The following JARID2 variants were observed in gnomAD, a reference collection of about 807,000 sequenced individuals.
The protein encoded by JARID2 is protein Jumonji.
Under a neutral mutation model 125.6 loss-of-function variants are expected in JARID2, and 21 were observed. The observed-to-expected ratio is 0.17, with a 90% CI of 0.12 to 0.24. The LOEUF (loss-of-function observed/expected upper bound fraction) is 0.24, where lower values mean the gene tolerates loss of function less well. JARID2 is among the 10% of genes least tolerant of loss of function. The pLI is 1.00. For missense variants in JARID2, 1,303 were observed against 1,639.6 expected (o/e 0.79, Z 3.55); for synonymous variants, 736 against 661.6 (o/e 1.11, Z -1.73).
intron 1 of JARID2, among the ~76,000 whole-genome samples, chr6:15,370,857 T>C (rs913243582): frequency 6.6e-6 from 1 of 152,176 alleles, no homozygotes; most frequent in African/African-American, 2.4e-5. Flanking sequence ...ACCCTACAGT[T>C]GAGAAAGGCA....
At chr6:15,386,939 G>A (rs1162693637) in intron 2 of JARID2, among the ~76,000 whole-genome samples, 1 of 152,228 alleles carries the variant, frequency 6.6e-6, no homozygotes, top group Non-Finnish European at 1.5e-5. Context: ...TAAACTCAGA[G>A]CAGATGGGCT....
At chr6:15,331,042 T>G (rs933301175) in intron 1 of JARID2, among the ~76,000 whole-genome samples, 2 of 152,086 alleles carry the variant, frequency 1.3e-5, no homozygotes, top group African/African-American at 4.8e-5. Context: ...AACTACTCAT[T>G]TAATAAAGCA....
Position 15,501,041 on chromosome 6 carries a change from C to A in JARID2, c.2080C>A (p.Leu694Met). The change falls in exon 8 of 18, where the codon CTG becomes ATG. Residue 694 changes from leucine to methionine, a missense_variant. By Grantham distance (15) the Leu-to-Met change is conservative. Coordinates refer to ENST00000341776, the MANE Select transcript of JARID2 (RefSeq NM_004973.4). Reference protein sequence around the residue: ...LRIPRTAQDRLAKLQEAYCQY... With the variant: ...LRIPRTAQDRMAKLQEAYCQY... ...CATCCCCAGAACTGCCCAGGACCGG[C>A]TGGCCAAGCTGCAGGAGGCCTACTG... 1 of 1,614,204 alleles carries A rather than the reference C, an allele frequency of 6.2e-7. No homozygotes were observed. Among genetic ancestry groups the A allele is most frequent in the Non-Finnish European group, 8.5e-7 (1 of 1,180,024 alleles).
intron 2 of JARID2, among the ~76,000 whole-genome samples, chr6:15,409,643 T>C (rs1165366409): frequency 2.0e-5 from 3 of 152,228 alleles, no homozygotes; most frequent in Non-Finnish European, 2.9e-5. Context: ...GCTTATCATC[T>C]GCTATCATAG....
At chr6:15,459,917 G>A (rs1193935198) in intron 4 of JARID2, among the ~76,000 whole-genome samples, 1 of 152,196 alleles carries the variant, frequency 6.6e-6, no homozygotes, top group Admixed American at 6.5e-5. Context: ...GAGCAAAATG[G>A]GAATACTTTA....
chr6:15,284,565 T>TA (rs1760919608), intron 1 of JARID2, among the ~76,000 whole-genome samples: 1 of 151,168 alleles, frequency 6.6e-6, no homozygotes. Context: ...GGCTGGAGTG[T>TA]AATGGCGCGA....
At chr6:15,279,952 C>G (rs1486303621) in intron 1 of JARID2, among the ~76,000 whole-genome samples, 1 of 152,154 alleles carries the variant, frequency 6.6e-6, no homozygotes, top group Non-Finnish European at 1.5e-5. Context: ...ATTAAATCCC[C>G]TTCCCTCACT....
At chr6:15,291,742 A>G (rs1219249501) in intron 1 of JARID2, among the ~76,000 whole-genome samples, 1 of 152,212 alleles carries the variant, frequency 6.6e-6, no homozygotes, top group East Asian at 1.9e-4. Context: ...GAAATGGAGA[A>G]AAGAAGTTAA....
chr6:15,264,655 T>TAG (rs70996529), intron 1 of JARID2, among the ~76,000 whole-genome samples: 160 of 129,212 alleles, frequency 1.2e-3, no homozygotes, highest in Middle Eastern at 0.011. Flanking sequence ...GAGAGAGAGA[T>TAG]AGAGAGAGAG....
intron 1 of JARID2, among the ~76,000 whole-genome samples, chr6:15,323,955 G>GGCGGATCACAAGGTCA (rs1215985032): frequency 2.0e-5 from 3 of 151,974 alleles, no homozygotes; most frequent in Non-Finnish European, 4.4e-5. Context: ...GGCTGAGGCG[G>GGCGGATCACAAGGTCA]GCGGATCACA....
intron 1 of JARID2, among the ~76,000 whole-genome samples, chr6:15,361,332 G>GTC (rs1166789659): frequency 6.6e-6 from 1 of 152,142 alleles, no homozygotes; most frequent in African/African-American, 2.4e-5. Flanking sequence ...CAACACTGCA[G>GTC]TCAGTGCTCA....
chr6:15,486,806 C>CTTTTTTTTT (rs56268949), intron 5 of JARID2, among the ~76,000 whole-genome samples: 10,766 of 99,790 alleles, frequency 0.11, 1,557 homozygotes, highest in African/African-American at 0.14. Context: ...TGAGAATAGA[C>CTTTTTTTTT]TTTTTTTTTT....
At chr6:15,495,985 A>G (rs776165173) in intron 6 of JARID2, 147 bp from the exon 7 acceptor site, 39 of 694,658 alleles carry the variant, frequency 5.6e-5, no homozygotes, top group African/African-American at 8.9e-5. Flanking sequence ...CTTTGCTGGT[A>G]TTTCCACATC....
In JARID2 at chr6:15,520,504, A is replaced by G. The variant is rs1014102419; in HGVS notation, c.*253A>G. Reference sequence around the variant, plus strand: ...GTTTTAAAAACCCCGGAGGGGCTGTATTAATTTGTATTGCCCCATGGCTGA... The same window carrying G: ...GTTTTAAAAACCCCGGAGGGGCTGTGTTAATTTGTATTGCCCCATGGCTGA... On this transcript the variant is annotated 3_prime_UTR_variant, in exon 18 of 18. Transcript: ENST00000341776. The G allele has an allele frequency of 1.0e-5, 4 of 388,330 alleles. No homozygotes were observed. Among genetic ancestry groups the G allele is most frequent in the Non-Finnish European group, 1.9e-5 (4 of 215,200 alleles). 24.1% of individuals were successfully genotyped at this position (388,330 alleles called of 1,614,324 possible).
At chr6:15,494,437 A>ATTTTTTTTT (rs1561902091) in intron 6 of JARID2, among the ~76,000 whole-genome samples, 2 of 35,808 alleles carry the variant, frequency 5.6e-5, no homozygotes, top group African/African-American at 2.5e-4. Flanking sequence ...TTTTTTTGAG[A>ATTTTTTTTT]CAAGAGTCTC....
rs1343714461 is a variant in JARID2, at chr6:15,456,213, CTT to C, written c.493+4041_493+4042del. Among the ~76,000 whole-genome samples the C allele has an allele frequency of 3.3e-5, 5 of 152,276 alleles. No homozygotes were observed. The East Asian group carries it at 9.6e-4, about 29-fold the overall frequency. On this transcript the variant is annotated intron_variant, in intron 4 of 17. Coordinates refer to ENST00000341776, the MANE Select transcript of JARID2 (RefSeq NM_004973.4). ...TGAGGTTCTGGGAAACCTGGAGAGTCTTTTAGTTGCGGAGGCATGCTTATTTA... is the reference window on the plus strand; with the variant it reads ...TGAGGTTCTGGGAAACCTGGAGAGTCTTAGTTGCGGAGGCATGCTTATTTA...
chr6:15,427,017 T>C (rs1581548010), intron 3 of JARID2, among the ~76,000 whole-genome samples: 1 of 152,212 alleles, frequency 6.6e-6, no homozygotes, highest in Admixed American at 6.5e-5. Flanking sequence ...TTTGTGGCTG[T>C]GTGCAATTTA....
rs1561915029 is a variant in JARID2, at chr6:15,509,119, ACT to A, written c.2846+669_2846+670del. 3.1e-6 allele frequency: 4 copies of A among 1,287,842 alleles called. No homozygotes were observed. The African/African-American group carries it at 4.6e-5, about 15-fold the overall frequency. The allele number at this position is 1,287,842 out of a possible 1,614,324, so 79.8% of individuals were successfully genotyped here. The stretch of plus-strand genomic sequence containing the variant: ...GTTCTGGGTCCCCGCCTGTAATCTG[ACT>A]CTCACTGTAGCCATCCCTGATTGAG... On this transcript the variant is annotated intron_variant, in intron 12 of 17. Transcript: ENST00000341776.
intron 2 of JARID2, among the ~76,000 whole-genome samples, chr6:15,409,237 A>C (rs1765776282): frequency 6.6e-6 from 1 of 152,172 alleles, no homozygotes; most frequent in Non-Finnish European, 1.5e-5. Flanking sequence ...AGTGTGCATA[A>C]AATTGGTGGA....
Sources: gnomAD v4.1 joint callset for allele counts (sites outside exome capture counted in the v4.1 genomes callset) on GRCh38, gnomAD v4.1.1 for gene constraint, MANE v1.5 for transcripts, NCBI Gene and HGNC (gene_info 2026-07-23, HGNC 2026-07-21) for gene names.